ANO10: variants seen among roughly 807,000 people sequenced by gnomAD.
ANO10 encodes the protein anoctamin-10.
A neutral mutation model predicts 74.7 loss-of-function variants in ANO10; 77 were observed. The ratio of observed to expected loss-of-function variants is 1.03; its 90% CI spans 0.86 to 1.25. ANO10 has a LOEUF of 1.25. Ranked by LOEUF, ANO10 falls within the 50% of genes most tolerant of loss-of-function variation. ANO10 has a pLI of 0.00. For synonymous variants in ANO10, 279 were observed against 284.9 expected (o/e 0.98, Z 0.21); for missense variants, 721 against 778.1 (o/e 0.93, Z 0.87).
chr3:43,585,822 C>G (rs2081457829), intron 4 of ANO10, among the ~76,000 whole-genome samples: 1 of 152,188 alleles, frequency 6.6e-6, no homozygotes, highest in Admixed American at 6.5e-5. Context: ...GGGACAGTAT[C>G]AAACAACTGC....
chr3:43,551,983 CCT>C (rs897335818), intron 10 of ANO10, among the ~76,000 whole-genome samples: 7 of 152,022 alleles, frequency 4.6e-5, no homozygotes, highest in Non-Finnish European at 1.0e-4. Context: ...CTGTTTGTTC[CCT>C]GTTTTTCATT....
chr3:43,520,294 T>G (rs1245986414), intron 11 of ANO10, among the ~76,000 whole-genome samples: 7 of 152,200 alleles, frequency 4.6e-5, no homozygotes, highest in African/African-American at 1.7e-4. Context: ...GCCATATACT[T>G]GATAGCTTAT....
At chr3:43,367,774 G>A (rs2091464034) in intron 12 of ANO10, among the ~76,000 whole-genome samples, 1 of 152,124 alleles carries the variant, frequency 6.6e-6, no homozygotes, top group Non-Finnish European at 1.5e-5. Flanking sequence ...CTACAGCTCT[G>A]CCCTATTCGT....
chr3:43,517,871 A>C (rs576036794), intron 11 of ANO10, among the ~76,000 whole-genome samples: 27 of 152,320 alleles, frequency 1.8e-4, no homozygotes, highest in South Asian at 8.3e-4. Context: ...AAACTGCCTT[A>C]GGAGTTTGTA....
At chr3:43,618,350 G>A (rs551320604) in intron 1 of ANO10, among the ~76,000 whole-genome samples, 3 of 152,268 alleles carry the variant, frequency 2.0e-5, no homozygotes. Context: ...ACTCAACTGA[G>A]TCTAGCCATG....
chr3:43,573,748 G>C (rs1278772153), intron 7 of ANO10, among the ~76,000 whole-genome samples: 4 of 152,028 alleles, frequency 2.6e-5, no homozygotes, highest in Non-Finnish European at 5.9e-5. Context: ...CTTTCTCTCT[G>C]TCTCTTTCCT....
chr3:43,584,337 C>T (rs1041841615), intron 4 of ANO10, among the ~76,000 whole-genome samples: 6 of 152,286 alleles, frequency 3.9e-5, no homozygotes, highest in Admixed American at 2.0e-4. Flanking sequence ...GCATATAACT[C>T]CACTTGTTAT....
At chr3:43,613,111 T>G (rs2082911188) in intron 1 of ANO10, among the ~76,000 whole-genome samples, 1 of 151,252 alleles carries the variant, frequency 6.6e-6, no homozygotes, top group African/African-American at 2.4e-5. Flanking sequence ...GAGGTTGCAG[T>G]GAGCCAAGGT....
At chr3:43,599,733 G>T (rs899195610) in intron 3 of ANO10, among the ~76,000 whole-genome samples, 2 of 151,776 alleles carry the variant, frequency 1.3e-5, no homozygotes, top group African/African-American at 4.8e-5. Context: ...GTGAAACCCC[G>T]TCTCTATTAA....
intron 1 of ANO10, chr3:43,690,840 G>A (rs1210716030): frequency 1.4e-6 from 1 of 716,614 alleles, no homozygotes; most frequent in Non-Finnish European, 2.0e-6. Context: ...CCGCGCACGC[G>A]CAAACGCGGG....
intron 11 of ANO10, among the ~76,000 whole-genome samples, chr3:43,505,506 T>A (rs893181572): frequency 6.6e-6 from 1 of 152,180 alleles, no homozygotes; most frequent in Non-Finnish European, 1.5e-5. Context: ...CCCACAATTA[T>A]ACCCCATCAA....
chr3:43,590,593 G>A (rs542606548), intron 4 of ANO10, among the ~76,000 whole-genome samples: 78 of 152,160 alleles, frequency 5.1e-4, no homozygotes, highest in Admixed American at 1.6e-3. Flanking sequence ...ATGAGAAAAC[G>A]ATCTAAGAGA....
chr3:43,538,267 A>G (rs1008313637), intron 11 of ANO10, among the ~76,000 whole-genome samples: 3 of 152,200 alleles, frequency 2.0e-5, no homozygotes, highest in African/African-American at 7.2e-5. Context: ...GGGTTATTGA[A>G]CAGGGTCTAC....
At chr3:43,601,993 A>C (rs1316578626) in intron 2 of ANO10, among the ~76,000 whole-genome samples, 1 of 152,172 alleles carries the variant, frequency 6.6e-6, no homozygotes, top group Non-Finnish European at 1.5e-5. Context: ...GGGACACCTG[A>C]AACAAGGCCA....
chr3:43,384,119 C>T (rs535164114), intron 12 of ANO10, among the ~76,000 whole-genome samples: 2 of 152,148 alleles, frequency 1.3e-5, no homozygotes, highest in East Asian at 3.9e-4. Flanking sequence ...CTGCTATATA[C>T]CAACAGCGAC....
chr3:43,595,638 A>G (rs995321738), intron 4 of ANO10, among the ~76,000 whole-genome samples: 11 of 152,184 alleles, frequency 7.2e-5, no homozygotes, highest in Non-Finnish European at 1.5e-4. Context: ...ATTTATGACA[A>G]ACCCACAGCC....
intron 11 of ANO10, among the ~76,000 whole-genome samples, chr3:43,546,002 T>C (rs1329909833): frequency 6.6e-6 from 1 of 152,228 alleles, no homozygotes; most frequent in Non-Finnish European, 1.5e-5. Context: ...AACACTAGAA[T>C]AGCATTGGTA....
At chr3:43,404,251 GGA>G (rs1382383822) in intron 12 of ANO10, among the ~76,000 whole-genome samples, 3 of 152,164 alleles carry the variant, frequency 2.0e-5, no homozygotes, top group Non-Finnish European at 4.4e-5. Context: ...GAGGACCTAT[GGA>G]GAGGGATACA....
At chr3:43,451,501 C>T (rs1056394969) in intron 11 of ANO10, among the ~76,000 whole-genome samples, 1 of 152,090 alleles carries the variant, frequency 6.6e-6, no homozygotes, top group African/African-American at 2.4e-5. Context: ...GCACACTAGT[C>T]TCCATCTCAG....
Sources: allele counts gnomAD v4.1 joint callset (sites outside exome capture counted in the v4.1 genomes callset), GRCh38; gene constraint gnomAD v4.1.1; transcripts MANE v1.5; gene names NCBI Gene and HGNC (gene_info 2026-07-23, HGNC 2026-07-21).